Variants in ADGRL3 observed in about 807,000 individuals in gnomAD.
ADGRL3 encodes adhesion G protein-coupled receptor L3, also known as calcium-independent alpha-latrotoxin receptor 3.
In ADGRL3, 62 loss-of-function variants were observed where a neutral mutation model predicts 153.5. The observed-to-expected ratio is 0.40, with a 90% CI of 0.33 to 0.50. The LOEUF (loss-of-function observed/expected upper bound fraction) is 0.50, where lower values mean the gene tolerates loss of function less well. Ranked by LOEUF, ADGRL3 falls within the 20% of genes least tolerant of loss-of-function variation. ADGRL3 has a pLI of 0.47. For synonymous variants in ADGRL3, 710 were observed against 672.5 expected, an observed-to-expected ratio of 1.06 and a Z score of -0.86; for missense variants, 1,641 against 1,859.4, an observed-to-expected ratio of 0.88 and a Z score of 2.16.
At chr4:61,613,829 TG>T (rs1386235626) in intron 5 of ADGRL3, among the ~76,000 whole-genome samples, 3 of 152,034 alleles carry the variant, frequency 2.0e-5, no homozygotes, top group Admixed American at 1.3e-4. Context: ...GAGATGCAAA[TG>T]GGGGGAATAT....
chr4:61,419,691 C>G (rs543133635), intron 2 of ADGRL3, among the ~76,000 whole-genome samples: 2 of 152,222 alleles, frequency 1.3e-5, no homozygotes, highest in African/African-American at 4.8e-5. Flanking sequence ...ACATGCTGTA[C>G]GCAGTCAATT....
In ADGRL3 at chr4:61,934,928, C is replaced by T; in HGVS notation, c.2201C>T (p.Ala734Val). Residue 734 changes from alanine to valine, a missense_variant, in exon 14 of 27, where the codon GCC becomes GTC. Physicochemically the swap from Ala to Val is moderately conservative, Grantham distance 64. Transcript: ENST00000683033. The part of the protein sequence containing the change: ...DLTTSDQLRA[A>V]TMLLHTVEES... Reference sequence around the variant, plus strand: ...ACTACGAGTGATCAGCTGCGTGCGGCCACCATGTTGCTTCATACTGTGGAG... The same window carrying T: ...ACTACGAGTGATCAGCTGCGTGCGGTCACCATGTTGCTTCATACTGTGGAG... 6.2e-7 allele frequency: 1 copy of T among 1,613,796 alleles called. No homozygotes were observed. Among genetic ancestry groups the T allele is most frequent in the Non-Finnish European group, 8.5e-7 (1 of 1,179,812 alleles).
At chr4:61,870,014 GGAA>G (rs2098434420) in intron 9 of ADGRL3, among the ~76,000 whole-genome samples, 1 of 134,038 alleles carries the variant, frequency 7.5e-6, no homozygotes, top group Non-Finnish European at 1.6e-5. Flanking sequence ...GAGAGAGAAA[GGAA>G]AGAAAGAAGA....
At chr4:61,660,205 A>G (rs1056153673) in intron 5 of ADGRL3, among the ~76,000 whole-genome samples, 1 of 152,144 alleles carries the variant, frequency 6.6e-6, no homozygotes, top group Admixed American at 6.5e-5. Context: ...AAATTATGAT[A>G]CTATGTAATT....
At chr4:61,958,148 G>A (rs898483620) in intron 17 of ADGRL3, among the ~76,000 whole-genome samples, 1 of 152,118 alleles carries the variant, frequency 6.6e-6, no homozygotes, top group East Asian at 1.9e-4. Context: ...ATCTTCTCTA[G>A]ACTGTGACTT....
chr4:61,464,760 C>G (rs2097860119), intron 2 of ADGRL3, among the ~76,000 whole-genome samples: 1 of 152,064 alleles, frequency 6.6e-6, no homozygotes, highest in Admixed American at 6.6e-5. Flanking sequence ...ATATTTTATG[C>G]AAAGTATTTG....
intron 5 of ADGRL3, among the ~76,000 whole-genome samples, chr4:61,646,078 G>C (rs183188777): frequency 6.6e-6 from 1 of 151,912 alleles, no homozygotes; most frequent in East Asian, 1.9e-4. Context: ...TGATGGCATC[G>C]GCTCCTGAGG....
intron 25 of ADGRL3, among the ~76,000 whole-genome samples, chr4:62,060,389 C>G (rs1300495609): frequency 6.6e-6 from 1 of 151,736 alleles, no homozygotes; most frequent in Non-Finnish European, 1.5e-5. Context: ...CAGCTGTAAG[C>G]CTTAGCCATA....
At chr4:61,929,530 T>C (rs1013947259) in intron 13 of ADGRL3, among the ~76,000 whole-genome samples, 4 of 152,216 alleles carry the variant, frequency 2.6e-5, no homozygotes, top group African/African-American at 9.7e-5. Context: ...CAGAGATTTT[T>C]ATTTTAGCTG....
chr4:61,799,032 T>TGTATATGTATATACA (rs2097453831), intron 8 of ADGRL3, among the ~76,000 whole-genome samples: 1 of 129,588 alleles, frequency 7.7e-6, no homozygotes, highest in African/African-American at 2.9e-5. Flanking sequence ...TATATATATA[T>TGTATATGTATATACA]ATATATACCA....
intron 2 of ADGRL3, among the ~76,000 whole-genome samples, chr4:61,454,154 G>C (rs1036419179): frequency 1.3e-5 from 2 of 151,950 alleles, no homozygotes; most frequent in Non-Finnish European, 2.9e-5. Context: ...CAGCTCTCAT[G>C]GTTGCCTACC....
chr4:61,435,005 T>C (rs375730463), intron 2 of ADGRL3, among the ~76,000 whole-genome samples: 1 of 152,090 alleles, frequency 6.6e-6, no homozygotes, highest in Non-Finnish European at 1.5e-5. Context: ...TTTTCAGACA[T>C]TAAACTGCAG....
At chr4:61,582,139 T>C (rs2098928504) in intron 4 of ADGRL3, among the ~76,000 whole-genome samples, 1 of 152,062 alleles carries the variant, frequency 6.6e-6, no homozygotes, top group Non-Finnish European at 1.5e-5. Context: ...TTTTCATCTC[T>C]GCTATATGGA....
At chr4:61,255,839 A>T (rs926265210) in intron 1 of ADGRL3, among the ~76,000 whole-genome samples, 1 of 152,164 alleles carries the variant, frequency 6.6e-6, no homozygotes, top group South Asian at 2.1e-4. Context: ...GCACCATACA[A>T]ATCAATCCCT....
chr4:61,729,374 T>C (rs1433240852), intron 6 of ADGRL3, among the ~76,000 whole-genome samples: 2 of 151,932 alleles, frequency 1.3e-5, no homozygotes, highest in Non-Finnish European at 2.9e-5. Flanking sequence ...CAACATGATA[T>C]TGAGGCTTCA....
chr4:62,068,095 C>T (rs189349172), intron 25 of ADGRL3, 71 bp from the exon 26 acceptor site: 13 of 1,043,644 alleles, frequency 1.2e-5, no homozygotes, highest in Non-Finnish European at 1.8e-5. Flanking sequence ...GCTTTTTACT[C>T]ATGTTTCTTC....
chr4:61,669,611 T>C (rs6858477), intron 5 of ADGRL3, among the ~76,000 whole-genome samples: 151,207 of 152,286 alleles, frequency 0.99, 75,083 homozygotes, highest in Middle Eastern at 1. Flanking sequence ...TTCCATCTTC[T>C]TATATGAATC....
At chr4:61,811,815 A>G (rs1450348838) in intron 8 of ADGRL3, among the ~76,000 whole-genome samples, 1 of 152,100 alleles carries the variant, frequency 6.6e-6, no homozygotes, top group Non-Finnish European at 1.5e-5. Context: ...GTACATAGTG[A>G]TGGGGGTTGT....
intron 1 of ADGRL3, among the ~76,000 whole-genome samples, chr4:61,343,264 C>G (rs149360298): frequency 6.6e-6 from 1 of 152,312 alleles, no homozygotes; most frequent in East Asian, 1.9e-4. Flanking sequence ...AAAATCAGCG[C>G]TAACTTTCTG....
Sources: allele counts gnomAD v4.1 joint callset (sites outside exome capture counted in the v4.1 genomes callset), GRCh38; gene constraint gnomAD v4.1.1; transcripts MANE v1.5; gene names NCBI Gene and HGNC (gene_info 2026-07-23, HGNC 2026-07-21).